Variants in ADAMTS3 observed in about 807,000 individuals in gnomAD.
The protein encoded by ADAMTS3 is ADAM metallopeptidase with thrombospondin type 1 motif 3, also known as A disintegrin and metalloproteinase with thrombospondin motifs 3.
Under a neutral mutation model 129.0 loss-of-function variants are expected in ADAMTS3, and 73 were observed. The observed-to-expected ratio is 0.57, with a 90% CI of 0.47 to 0.69. The LOEUF (loss-of-function observed/expected upper bound fraction) is 0.69, where lower values mean the gene tolerates loss of function less well. ADAMTS3 is among the 30% of genes least tolerant of loss of function. The pLI is 0.00. For synonymous variants in ADAMTS3, 477 were observed against 510.8 expected, an observed-to-expected ratio of 0.93 and a Z score of 0.89; for missense variants, 1,457 against 1,514.5, an observed-to-expected ratio of 0.96 and a Z score of 0.63.
At chr4:72,562,810 G>A (rs1280879032) in intron 2 of ADAMTS3, among the ~76,000 whole-genome samples, 3 of 152,072 alleles carry the variant, frequency 2.0e-5, no homozygotes, top group African/African-American at 7.2e-5. Flanking sequence ...TATAGTTTAG[G>A]AATAAAATTT....
intron 4 of ADAMTS3, among the ~76,000 whole-genome samples, chr4:72,369,995 G>A (rs1350835440): frequency 6.6e-6 from 1 of 152,166 alleles, no homozygotes; most frequent in African/African-American, 2.4e-5. Context: ...TGGGTTGTGT[G>A]AGCCCTTGAG....
intron 5 of ADAMTS3, among the ~76,000 whole-genome samples, chr4:72,339,006 T>A (rs1720059624): frequency 6.6e-6 from 1 of 152,154 alleles, no homozygotes; most frequent in South Asian, 2.1e-4. Context: ...TTACCTTCAG[T>A]CTTATAATGT....
rs150065125 is a variant in ADAMTS3, at chr4:72,304,056, T to C, written c.2285A>G (p.His762Arg). ...ILAIKNQATG[H>R]YILNGKGEEA... Reference sequence around the variant, plus strand: ...CTCCCCTTTGCCATTTAAAATATAATGGCCTGTAGCCTGGTTCTTAATAGC... The same window carrying C: ...CTCCCCTTTGCCATTTAAAATATAACGGCCTGTAGCCTGGTTCTTAATAGC... The change falls in exon 17 of 22, where the codon CAT (histidine) becomes CGT (arginine). Residue 762 changes from histidine to arginine, a missense_variant. Transcript: ENST00000286657. The C allele has an allele frequency of 2.5e-6, 4 of 1,613,578 alleles. No individual in the cohort carries two copies. The highest frequency in any genetic ancestry group is 3.4e-6 in the Non-Finnish European group (4 of 1,179,620).
Position 72,320,769 on chromosome 4 carries a change from G to C in ADAMTS3, c.1047C>G (p.His349Gln). The C allele has an allele frequency of 1.2e-6, 2 of 1,613,954 alleles. No individual in the cohort carries two copies. Among genetic ancestry groups the C allele is most frequent in the Non-Finnish European group, 1.7e-6 (2 of 1,179,892 alleles). ...QQRSDLNHSEHHDHAIFLTRQ... is the reference protein window; with the variant it reads ...QQRSDLNHSEQHDHAIFLTRQ... The stretch of plus-strand genomic sequence containing the variant: ...TGGTTAAAAAAATTGCATGGTCATG[G>C]TGTTCAGAGTGGTTGAGATCAGATC... Residue 349 changes from histidine to glutamine, a missense_variant, in exon 7 of 22, where the codon CAC (histidine) becomes CAG (glutamine). By Grantham distance (24) the His-to-Gln change is conservative. Transcript: ENST00000286657.
intron 3 of ADAMTS3, among the ~76,000 whole-genome samples, chr4:72,463,721 T>C (rs980273149): frequency 1.3e-5 from 2 of 149,802 alleles, no homozygotes. Context: ...AAAAAAGCAT[T>C]TGGTAACATA....
intron 5 of ADAMTS3, among the ~76,000 whole-genome samples, chr4:72,330,988 T>G (rs970240849): frequency 3.3e-5 from 5 of 152,030 alleles, no homozygotes; most frequent in African/African-American, 1.2e-4. Flanking sequence ...TGTAACAAAG[T>G]AAGGAAGGAT....
intron 3 of ADAMTS3, among the ~76,000 whole-genome samples, chr4:72,494,076 G>A (rs1339476071): frequency 2.0e-5 from 3 of 152,008 alleles, no homozygotes; most frequent in African/African-American, 7.2e-5. Flanking sequence ...TATCATGTTT[G>A]GAGACTTTAC....
intron 17 of ADAMTS3, 68 bp from the exon 18 acceptor site, chr4:72,298,510 A>C (rs1377696334): frequency 8.6e-6 from 10 of 1,169,424 alleles, no homozygotes; most frequent in African/African-American, 1.5e-5. Context: ...AAAATTACAA[A>C]TATTTCAGAA....
chr4:72,478,377 G>A (rs1158963917), intron 3 of ADAMTS3, among the ~76,000 whole-genome samples: 3 of 149,480 alleles, frequency 2.0e-5, no homozygotes, highest in African/African-American at 5.0e-5. Flanking sequence ...GGGATGCAAG[G>A]CTGGTTCAAT....
At chr4:72,423,395 TACA>T (rs538863045) in intron 3 of ADAMTS3, among the ~76,000 whole-genome samples, 165 of 152,240 alleles carry the variant, frequency 1.1e-3, no homozygotes, top group African/African-American at 3.9e-3. Flanking sequence ...ACCTTAGTGG[TACA>T]ACAACATTAT....
chr4:72,462,203 G>A (rs1307949327), intron 3 of ADAMTS3, among the ~76,000 whole-genome samples: 1 of 151,902 alleles, frequency 6.6e-6, no homozygotes, highest in African/African-American at 2.4e-5. Flanking sequence ...TTTTGAGGAG[G>A]TGACATTTGA....
intron 3 of ADAMTS3, among the ~76,000 whole-genome samples, chr4:72,544,848 C>T (rs1336079606): frequency 1.3e-5 from 2 of 151,990 alleles, no homozygotes; most frequent in African/African-American, 2.4e-5. Context: ...TCTGTTTGTC[C>T]AGGTCTATCC....
chr4:72,387,744 C>G (rs934073976), intron 4 of ADAMTS3, among the ~76,000 whole-genome samples: 2 of 152,068 alleles, frequency 1.3e-5, no homozygotes, highest in Admixed American at 1.3e-4. Context: ...GAATGAGGTG[C>G]CTAAGGCAAC....
intron 4 of ADAMTS3, among the ~76,000 whole-genome samples, chr4:72,372,252 A>G (rs1453958555): frequency 2.6e-5 from 4 of 152,154 alleles, no homozygotes; most frequent in Non-Finnish European, 4.4e-5. Context: ...AATTGCAGAA[A>G]TAAAATAGAA....
intron 3 of ADAMTS3, among the ~76,000 whole-genome samples, chr4:72,464,701 A>T (rs1440040779): frequency 6.6e-6 from 1 of 152,048 alleles, no homozygotes; most frequent in African/African-American, 2.4e-5. Context: ...TAAAAACTAC[A>T]TCCTGAAAGT....
chr4:72,459,435 A>G (rs1293672850), intron 3 of ADAMTS3, among the ~76,000 whole-genome samples: 1 of 151,696 alleles, frequency 6.6e-6, no homozygotes, highest in African/African-American at 2.4e-5. Flanking sequence ...AACGCAAATT[A>G]TCAAAACCAA....
chr4:72,298,477 T>C, intron 17 of ADAMTS3, 35 bp from the exon 18 acceptor site: 2 of 1,476,526 alleles, frequency 1.4e-6, no homozygotes. Flanking sequence ...GTAAATCACC[T>C]GAGGGTTTTA....
intron 3 of ADAMTS3, among the ~76,000 whole-genome samples, chr4:72,533,184 C>T (rs915875101): frequency 1.3e-5 from 2 of 152,052 alleles, no homozygotes; most frequent in African/African-American, 4.8e-5. Flanking sequence ...TTCTATAAGG[C>T]TTGTCTAATT....
intron 8 of ADAMTS3, 96 bp downstream of exon 8, chr4:72,319,762 T>A (rs1028925897): frequency 1.9e-6 from 2 of 1,029,316 alleles, no homozygotes; most frequent in African/African-American, 3.2e-5. Flanking sequence ...AAGAATTGTA[T>A]GCTGGCATGC....
Sources: allele counts gnomAD v4.1 joint callset (sites outside exome capture counted in the v4.1 genomes callset), GRCh38; gene constraint gnomAD v4.1.1; transcripts MANE v1.5; gene names NCBI Gene and HGNC (gene_info 2026-07-23, HGNC 2026-07-21).